Variants in TANGO6 observed in about 807,000 individuals in gnomAD.
TANGO6 encodes transport and golgi organization 6 homolog.
In TANGO6, 90 loss-of-function variants were observed where a neutral mutation model predicts 114.2. The observed-to-expected ratio is 0.79, with a 90% CI of 0.66 to 0.94. TANGO6 has a LOEUF of 0.94. TANGO6 is among the 40% of genes least tolerant of loss of function. The probability of loss-of-function intolerance (pLI) is 0.00; values close to 1 mark genes in which losing one functional copy is unlikely to be tolerated. For synonymous variants in TANGO6, 477 were observed against 509.8 expected (o/e 0.94, Z 0.87); for missense variants, 1,274 against 1,315.3 (o/e 0.97, Z 0.49).
At chr16:68,904,059 C>T (rs993313175) in intron 9 of TANGO6, among the ~76,000 whole-genome samples, 6 of 152,048 alleles carry the variant, frequency 3.9e-5, no homozygotes, top group Admixed American at 1.3e-4. Flanking sequence ...AATTTTAAAG[C>T]GTGACTAAAG....
At position 69,057,121 on chromosome 16, in the gene TANGO6, TCTC is replaced by T. The variant is rs554503432; in HGVS notation, c.3108+16703_3108+16705del. 2.1e-4 allele frequency among the ~76,000 whole-genome samples: 31 copies of T among 149,672 alleles called. No homozygotes were observed. In the South Asian group the frequency reaches 6.7e-3, roughly 32 times the overall value. On this transcript the variant is annotated intron_variant, in intron 17 of 17. Coordinates refer to ENST00000261778, the MANE Select transcript of TANGO6 (RefSeq NM_024562.2). ...GGTTCACGTCCCAGGTTCACGTCAT[TCTC>T]CTGCCTCAGCCTCCCGATTAGCTGG... is the stretch of plus-strand genomic sequence containing the variant.
intron 15 of TANGO6, among the ~76,000 whole-genome samples, chr16:68,987,864 T>C (rs192768388): frequency 3.9e-5 from 6 of 152,344 alleles, no homozygotes; most frequent in Admixed American, 1.3e-4. Context: ...GGGAAAAGAA[T>C]TTGTTTTTGT....
At chr16:68,908,495 C>T (rs573364359) in intron 10 of TANGO6, among the ~76,000 whole-genome samples, 45 of 145,634 alleles carry the variant, frequency 3.1e-4, no homozygotes, top group Admixed American at 7.6e-4. Context: ...GGCAACATGG[C>T]GAAACCCCAT....
intron 5 of TANGO6, among the ~76,000 whole-genome samples, chr16:68,876,282 C>T (rs1001028789): frequency 6.6e-6 from 1 of 152,054 alleles, no homozygotes; most frequent in Non-Finnish European, 1.5e-5. Flanking sequence ...CTGCCTCAGC[C>T]TCCCGAGTAG....
At chr16:69,055,001 T>C (rs1193838404) in intron 17 of TANGO6, among the ~76,000 whole-genome samples, 1 of 150,688 alleles carries the variant, frequency 6.6e-6, no homozygotes, top group Admixed American at 6.6e-5. Context: ...CTTTTTGTTC[T>C]GGTAACTTAA....
intron 17 of TANGO6, among the ~76,000 whole-genome samples, chr16:69,064,583 T>G (rs1960186626): frequency 6.6e-6 from 1 of 152,194 alleles, no homozygotes; most frequent in African/African-American, 2.4e-5. Flanking sequence ...CATGGTGTCC[T>G]CATGCATATT....
intron 17 of TANGO6, among the ~76,000 whole-genome samples, chr16:69,065,076 C>G (rs1244049611): frequency 6.6e-6 from 1 of 152,230 alleles, no homozygotes; most frequent in African/African-American, 2.4e-5. Context: ...GCACACACTT[C>G]GACCATTTTC....
chr16:68,998,745 AC>A (rs1328611471), intron 15 of TANGO6, among the ~76,000 whole-genome samples: 7 of 151,046 alleles, frequency 4.6e-5, no homozygotes, highest in Non-Finnish European at 7.4e-5. Flanking sequence ...AAAAAAAAAA[AC>A]CAGTTTGTTT....
intron 14 of TANGO6, among the ~76,000 whole-genome samples, chr16:68,947,184 G>T (rs758719942): frequency 3.9e-5 from 6 of 152,098 alleles, no homozygotes; most frequent in Non-Finnish European, 8.8e-5. Flanking sequence ...AAGGCTGGGC[G>T]CAGTGGCTCA....
chr16:68,919,274 C>G, intron 12 of TANGO6, 55 bp downstream of exon 12: 1 of 1,583,026 alleles, frequency 6.3e-7, no homozygotes, highest in Non-Finnish European at 8.6e-7. Flanking sequence ...AGCGAAATAC[C>G]AGTTGTTTTC....
intron 12 of TANGO6, 87 bp from the exon 13 acceptor site, chr16:68,927,481 T>C (rs1963182068): frequency 2.1e-6 from 3 of 1,458,570 alleles, no homozygotes; most frequent in Non-Finnish European, 2.8e-6. Flanking sequence ...CCTGCCCTTT[T>C]TTCTCAGAAT....
At chr16:69,037,135 C>CAAA (rs1232986110) in intron 16 of TANGO6, among the ~76,000 whole-genome samples, 10 of 45,184 alleles carry the variant, frequency 2.2e-4, no homozygotes, top group East Asian at 6.8e-4. Flanking sequence ...GAGTCCATCT[C>CAAA]AAAAAAAAAA....
intron 9 of TANGO6, among the ~76,000 whole-genome samples, chr16:68,907,099 ATTT>A (rs546359676): frequency 2.6e-5 from 3 of 114,604 alleles, no homozygotes; most frequent in African/African-American, 1.0e-4. Context: ...CCAGACCTTG[ATTT>A]TTTTTTTTTT....
At chr16:69,057,316 A>G (rs1003603681) in intron 17 of TANGO6, among the ~76,000 whole-genome samples, 1 of 152,296 alleles carries the variant, frequency 6.6e-6, no homozygotes, top group African/African-American at 2.4e-5. Flanking sequence ...CATTTACTAC[A>G]TGACAGCACT....
At chr16:68,898,814 C>T (rs976070619) in intron 7 of TANGO6, among the ~76,000 whole-genome samples, 2 of 152,102 alleles carry the variant, frequency 1.3e-5, no homozygotes, top group African/African-American at 2.4e-5. Flanking sequence ...TCTCTTTTTA[C>T]CATTATCACT....
intron 7 of TANGO6, among the ~76,000 whole-genome samples, chr16:68,881,608 T>G (rs1962463493): frequency 6.6e-6 from 1 of 152,218 alleles, no homozygotes; most frequent in South Asian, 2.1e-4. Flanking sequence ...TTATAACTTT[T>G]GATAGTAATT....
At position 68,875,258 on chromosome 16, in the gene TANGO6, C is replaced by A; in HGVS notation, c.1099C>A (p.Pro367Thr). 6.2e-7 allele frequency: 1 copy of A among 1,613,584 alleles called. No individual in the cohort carries two copies. Among genetic ancestry groups the A allele is most frequent in the Non-Finnish European group, 8.5e-7 (1 of 1,179,680 alleles). Residue 367 changes from proline to threonine, a missense_variant, in exon 5 of 18, where the codon CCA (proline) becomes ACA (threonine). Coordinates refer to ENST00000261778, the MANE Select transcript of TANGO6 (RefSeq NM_024562.2). The part of the protein sequence containing the change: ...LASCPQQSLS[P>T]ENYYRDICPQ... Reference sequence around the variant, plus strand: ...CTCTTGTCCCCAGCAGTCTCTTTCACCAGAGAATTACTACAGGGACATCTG... The same window carrying A: ...CTCTTGTCCCCAGCAGTCTCTTTCAACAGAGAATTACTACAGGGACATCTG...
At chr16:69,006,264 T>C (rs187066575) in intron 15 of TANGO6, among the ~76,000 whole-genome samples, 5 of 152,242 alleles carry the variant, frequency 3.3e-5, no homozygotes, top group Admixed American at 3.3e-4. Context: ...GTCCCAAGCC[T>C]TTGGTCTCTG....
intron 11 of TANGO6, among the ~76,000 whole-genome samples, chr16:68,913,781 A>G (rs1420403880): frequency 1.3e-5 from 2 of 152,076 alleles, no homozygotes; most frequent in Non-Finnish European, 2.9e-5. Context: ...CCCTGGATGG[A>G]CAGGAAGCAC....
Sources: gnomAD v4.1 joint callset for allele counts (sites outside exome capture counted in the v4.1 genomes callset) on GRCh38, gnomAD v4.1.1 for gene constraint, MANE v1.5 for transcripts, NCBI Gene and HGNC (gene_info 2026-07-23, HGNC 2026-07-21) for gene names.